The following PRKN variants were observed in gnomAD, a reference collection of about 807,000 sequenced individuals.
PRKN encodes parkin RBR E3 ubiquitin protein ligase, also known as E3 ubiquitin-protein ligase parkin.
A neutral mutation model predicts 59.5 loss-of-function variants in PRKN; 56 were observed. The ratio of observed to expected loss-of-function variants is 0.94; its 90% confidence interval spans 0.76 to 1.18. The LOEUF (loss-of-function observed/expected upper bound fraction) is 1.18, where lower values mean the gene tolerates loss of function less well. Among genes scored for constraint, PRKN ranks in the 50% most tolerant of loss-of-function variants. The pLI is 0.00. For missense variants in PRKN, 657 were observed against 596.4 expected (o/e 1.10, Z -1.06); for synonymous variants, 250 against 222.1 (o/e 1.13, Z -1.12).
In PRKN at chr6:161,867,653, C is replaced by T. The variant is rs1165699563; in HGVS notation, c.735-81745G>A. On this transcript the variant is annotated intron_variant, in intron 6 of 11. Transcript: ENST00000366898. ...CTTGCCATAGTAAAGAGCTATTTGG[C>T]ATCATAATGAGTGACACAAAAGCAA... Among the ~76,000 whole-genome samples the T allele has an allele frequency of 2.0e-5, 3 of 152,208 alleles. No individual in the cohort carries two copies. The East Asian group carries it at 5.8e-4, about 29-fold the overall frequency.
intron 5 of PRKN, among the ~76,000 whole-genome samples, chr6:162,010,135 CT>C (rs1782433325): frequency 6.7e-6 from 1 of 148,412 alleles, no homozygotes; most frequent in African/African-American, 2.5e-5. Flanking sequence ...ATGTCACTTC[CT>C]CTGGCTCGTG....
chr6:162,724,602 G>C (rs1249389412), intron 1 of PRKN, among the ~76,000 whole-genome samples: 1 of 152,142 alleles, frequency 6.6e-6, no homozygotes, highest in East Asian at 1.9e-4. Context: ...AAATTAAAAA[G>C]AAAGAGAAAT....
At chr6:162,078,892 T>A (rs1347874268) in intron 4 of PRKN, among the ~76,000 whole-genome samples, 1 of 119,390 alleles carries the variant, frequency 8.4e-6, no homozygotes, top group Non-Finnish European at 1.8e-5. Context: ...TAATAAATAC[T>A]TTAAAAAAGA....
At chr6:161,383,896 G>A (rs1481030151) in intron 10 of PRKN, among the ~76,000 whole-genome samples, 3 of 152,236 alleles carry the variant, frequency 2.0e-5, no homozygotes, top group East Asian at 3.8e-4. Context: ...GCTTTCCGTT[G>A]TCTGGCAACT....
At chr6:162,622,134 G>A (rs1010300524) in intron 1 of PRKN, among the ~76,000 whole-genome samples, 9 of 151,988 alleles carry the variant, frequency 5.9e-5, no homozygotes, top group South Asian at 2.1e-4. Context: ...TTAAGTTGAA[G>A]AAAAAAACAT....
At chr6:162,649,309 T>C (rs778906225) in intron 1 of PRKN, among the ~76,000 whole-genome samples, 2 of 152,182 alleles carry the variant, frequency 1.3e-5, no homozygotes, top group Non-Finnish European at 1.5e-5. Context: ...GACTAGCAAA[T>C]TGTTAGTTAA....
intron 5 of PRKN, among the ~76,000 whole-genome samples, chr6:162,015,871 T>C (rs1469386518): frequency 6.6e-6 from 1 of 152,204 alleles, no homozygotes; most frequent in African/African-American, 2.4e-5. Context: ...AAGTATCTAC[T>C]CGCAGGGTAG....
chr6:162,086,226 A>C (rs1292909768), intron 4 of PRKN, among the ~76,000 whole-genome samples: 1 of 152,202 alleles, frequency 6.6e-6, no homozygotes, highest in Non-Finnish European at 1.5e-5. Flanking sequence ...CAACTATCTT[A>C]AATTTTTAAT....
intron 6 of PRKN, among the ~76,000 whole-genome samples, chr6:161,815,720 A>G (rs2186807): frequency 0.24 from 36,579 of 151,900 alleles, 4,709 homozygotes; most frequent in Non-Finnish European, 0.3. Flanking sequence ...AGGGAGGGAG[A>G]CCCCAGCGGG....
At chr6:162,652,346 T>C (rs576978738) in intron 1 of PRKN, among the ~76,000 whole-genome samples, 2 of 152,334 alleles carry the variant, frequency 1.3e-5, no homozygotes, top group East Asian at 1.9e-4. Context: ...CAGTGTGTTC[T>C]TAACTGCTGC....
intron 4 of PRKN, among the ~76,000 whole-genome samples, chr6:162,098,839 A>G (rs1188037890): frequency 1.3e-5 from 2 of 152,166 alleles, no homozygotes; most frequent in African/African-American, 4.8e-5. Context: ...GGCTCAGGAA[A>G]GAGAATGGTG....
chr6:161,570,124 TAA>T (rs55699586), intron 7 of PRKN, among the ~76,000 whole-genome samples: 1,853 of 51,190 alleles, frequency 0.036, 32 homozygotes, highest in Admixed American at 0.05. Context: ...AGTAAATAGG[TAA>T]AAAAAAAAAA....
At chr6:162,570,197 T>C (rs1235495313) in intron 1 of PRKN, among the ~76,000 whole-genome samples, 1 of 152,158 alleles carries the variant, frequency 6.6e-6, no homozygotes, top group Non-Finnish European at 1.5e-5. Flanking sequence ...AACAGGCATA[T>C]GAAAAGGTGG....
chr6:161,789,390 C>T (rs569705604), intron 6 of PRKN, among the ~76,000 whole-genome samples: 7 of 152,244 alleles, frequency 4.6e-5, no homozygotes, highest in East Asian at 1.9e-4. Flanking sequence ...CTGTTCTCTC[C>T]GCACCTCCGT....
chr6:162,614,472 C>G (rs2155502), intron 1 of PRKN, among the ~76,000 whole-genome samples: 1 of 152,138 alleles, frequency 6.6e-6, no homozygotes, highest in African/African-American at 2.4e-5. Flanking sequence ...ATTTGTGCAT[C>G]AAATTTCAAA....
intron 5 of PRKN, among the ~76,000 whole-genome samples, chr6:161,990,691 G>T (rs1055033649): frequency 6.6e-6 from 1 of 152,050 alleles, no homozygotes; most frequent in Non-Finnish European, 1.5e-5. Flanking sequence ...GAGATCATTT[G>T]AAATAACCCA....
chr6:161,820,583 A>G (rs1791980603), intron 6 of PRKN, among the ~76,000 whole-genome samples: 1 of 147,798 alleles, frequency 6.8e-6, no homozygotes. Context: ...AAAATATATA[A>G]ACAAATATTA....
chr6:162,352,264 C>T (rs1324416801), intron 2 of PRKN, among the ~76,000 whole-genome samples: 1 of 152,168 alleles, frequency 6.6e-6, no homozygotes, highest in East Asian at 1.9e-4. Context: ...TACTTTTTAT[C>T]ACTGTGCTTC....
Position 161,354,405 on chromosome 6 carries a change from G to A in PRKN, c.1286-4194C>T, listed in dbSNP as rs1784675974. Among the ~76,000 whole-genome samples the A allele has an allele frequency of 6.6e-6, 1 of 152,162 alleles. No individual in the cohort carries two copies. Among genetic ancestry groups the A allele is most frequent in the Non-Finnish European group, 1.5e-5 (1 of 68,042 alleles). On this transcript the variant is annotated intron_variant, in intron 11 of 11. Coordinates refer to ENST00000366898, the MANE Select transcript of PRKN (RefSeq NM_004562.3). This position sits in a 1 kb window ranked among gnomAD's most constrained non-coding sequence, Gnocchi z 6.7. ...CAGCCTACGCCGGGCAGTCGACATC[G>A]TGGCTCCGGCCAGCAATTCTTCCAC...
Sources: gnomAD v4.1 joint callset for allele counts (sites outside exome capture counted in the v4.1 genomes callset) on GRCh38, gnomAD v4.1.1 for gene constraint, Gnocchi (gnomAD v3.1) non-coding constraint, MANE v1.5 for transcripts, NCBI Gene and HGNC (gene_info 2026-07-23, HGNC 2026-07-21) for gene names.